The following XIRP2 variants were observed in gnomAD, a reference collection of about 807,000 sequenced individuals.
XIRP2 encodes xin actin binding repeat containing 2.
XIRP2 carries 236 observed loss-of-function variants against 277.0 expected under a neutral mutation model. The ratio of observed to expected loss-of-function variants is 0.85; its 90% CI spans 0.77 to 0.95. XIRP2 has a LOEUF of 0.95. Ranked by LOEUF, XIRP2 falls within the 40% of genes least tolerant of loss-of-function variation. XIRP2 has a pLI of 0.00. For synonymous variants in XIRP2, 1,490 were observed against 1,416.5 expected (o/e 1.05, Z -1.17); for missense variants, 4,640 against 4,157.5 (o/e 1.12, Z -3.19).
Position 167,086,455 on chromosome 2 carries a change from C to A in XIRP2, c.409-49454C>A, listed in dbSNP as rs546397947. On this transcript the variant is annotated intron_variant, in intron 2 of 10. Coordinates refer to ENST00000409195, the MANE Select transcript of XIRP2 (RefSeq NM_152381.6). Reference sequence around the variant, plus strand: ...CTCTTCTCAAGGAGTATCTTTGTGGCGTTCTCTGTATTTCCTGAATCTGAA... The same window carrying A: ...CTCTTCTCAAGGAGTATCTTTGTGGAGTTCTCTGTATTTCCTGAATCTGAA... Among the ~76,000 whole-genome samples the A allele has an allele frequency of 1.3e-4, 20 of 151,888 alleles. No homozygotes were observed. The South Asian group carries it at 3.1e-3, about 24-fold the overall frequency.
chr2:167,255,163 T>A (rs1695623013), intron 10 of XIRP2, among the ~76,000 whole-genome samples: 1 of 151,816 alleles, frequency 6.6e-6, no homozygotes, highest in Non-Finnish European at 1.5e-5. Context: ...ACGTTTCTCT[T>A]CTTTCTAGTG....
intron 2 of XIRP2, among the ~76,000 whole-genome samples, chr2:166,984,854 C>T (rs1043416307): frequency 2.0e-5 from 3 of 152,322 alleles, no homozygotes; most frequent in South Asian, 4.1e-4. Context: ...CCAGGGCACT[C>T]ATGTGTTTAC....
intron 2 of XIRP2, among the ~76,000 whole-genome samples, chr2:167,025,833 T>A (rs1480331677): frequency 6.6e-6 from 1 of 152,122 alleles, no homozygotes; most frequent in Non-Finnish European, 1.5e-5. Context: ...TTTGTTATAA[T>A]TTCTGTTCTT....
chr2:166,938,290 T>C (rs1237724326), intron 2 of XIRP2, among the ~76,000 whole-genome samples: 3 of 152,218 alleles, frequency 2.0e-5, no homozygotes, highest in African/African-American at 7.2e-5. Context: ...TTCTGGTTTG[T>C]TGTGTCTTTG....
At chr2:166,971,258 G>T (rs1022868183) in intron 2 of XIRP2, among the ~76,000 whole-genome samples, 5 of 151,910 alleles carry the variant, frequency 3.3e-5, no homozygotes, top group African/African-American at 1.2e-4. Flanking sequence ...GGATGATTTT[G>T]CTAATTGCTT....
At chr2:166,914,107 A>C (rs1227972751) in intron 2 of XIRP2, among the ~76,000 whole-genome samples, 2 of 152,224 alleles carry the variant, frequency 1.3e-5, no homozygotes, top group East Asian at 3.8e-4. Context: ...AGTCTTTATC[A>C]GAGGAACACA....
At chr2:167,102,895 G>A (rs1690521766) in intron 2 of XIRP2, among the ~76,000 whole-genome samples, 1 of 152,120 alleles carries the variant, frequency 6.6e-6, no homozygotes, top group Non-Finnish European at 1.5e-5. Context: ...CACTTGGGCA[G>A]TTTTATAAAA....
intron 2 of XIRP2, among the ~76,000 whole-genome samples, chr2:167,101,530 C>G (rs1574256334): frequency 6.6e-6 from 1 of 152,152 alleles, no homozygotes; most frequent in African/African-American, 2.4e-5. Flanking sequence ...TCTTTGTATC[C>G]TCATAGCTTA....
intron 3 of XIRP2, among the ~76,000 whole-genome samples, chr2:167,146,724 A>G (rs1297329323): frequency 1.3e-5 from 2 of 152,146 alleles, no homozygotes; most frequent in Non-Finnish European, 2.9e-5. Flanking sequence ...TTAAAGGACC[A>G]GTTAGGTCCT....
chr2:167,053,970 A>T (rs1309071070), intron 2 of XIRP2, among the ~76,000 whole-genome samples: 1 of 152,208 alleles, frequency 6.6e-6, no homozygotes, highest in South Asian at 2.1e-4. Flanking sequence ...GATCTGTATT[A>T]TGGTTCAAGA....
chr2:166,958,377 C>CT (rs1284338616), intron 2 of XIRP2, among the ~76,000 whole-genome samples: 1 of 151,752 alleles, frequency 6.6e-6, no homozygotes, highest in Non-Finnish European at 1.5e-5. Context: ...TGCTTATAGA[C>CT]TTTTAAGTGT....
chr2:167,186,232 G>A (rs1693148109), intron 3 of XIRP2, among the ~76,000 whole-genome samples: 1 of 152,116 alleles, frequency 6.6e-6, no homozygotes, highest in South Asian at 2.1e-4. Context: ...CACTCTTGTG[G>A]AGTATATAGA....
At position 167,164,057 on chromosome 2, in the gene XIRP2, G is replaced by A. The variant is rs75902694; in HGVS notation, c.562+27995G>A. 6.8e-4 allele frequency among the ~76,000 whole-genome samples: 103 copies of A among 152,150 alleles called. 2 individuals carry two copies. In the East Asian group the frequency reaches 0.02, roughly 29 times the overall value. ...TATAGTAAACATTAAAGCCATTTAG[G>A]GTATGTCTTCCAAGTGTGATCTCCT... On this transcript the variant is annotated intron_variant, in intron 3 of 10. Coordinates refer to ENST00000409195, the MANE Select transcript of XIRP2 (RefSeq NM_152381.6).
intron 2 of XIRP2, among the ~76,000 whole-genome samples, chr2:167,132,395 T>TA (rs777733504): frequency 2.0e-5 from 3 of 152,096 alleles, no homozygotes; most frequent in Non-Finnish European, 4.4e-5. Flanking sequence ...AAGGCTCTAA[T>TA]AACAAAGAAT....
intron 3 of XIRP2, among the ~76,000 whole-genome samples, chr2:167,193,085 C>T (rs1194581860): frequency 2.0e-5 from 3 of 152,186 alleles, no homozygotes; most frequent in African/African-American, 4.8e-5. Context: ...ACAGCCTCAA[C>T]TTTTACTCTG....
intron 5 of XIRP2, among the ~76,000 whole-genome samples, chr2:167,233,312 T>A (rs1409590412): frequency 1.3e-5 from 2 of 151,928 alleles, no homozygotes; most frequent in Admixed American, 6.6e-5. Flanking sequence ...GTTAAAGAAT[T>A]TTTACTTTCT....
chr2:167,035,791 C>T (rs1688492673), intron 2 of XIRP2, among the ~76,000 whole-genome samples: 1 of 152,136 alleles, frequency 6.6e-6, no homozygotes, highest in African/African-American at 2.4e-5. Context: ...ATGGTGGCCT[C>T]TCCCATCACA....
intron 2 of XIRP2, among the ~76,000 whole-genome samples, chr2:167,113,024 T>C (rs531619670): frequency 6.6e-6 from 1 of 152,232 alleles, no homozygotes; most frequent in East Asian, 1.9e-4. Flanking sequence ...TTTTTTTTAA[T>C]TTGCTGAGCA....
At chr2:166,986,337 GATGTA>G (rs1360696149) in intron 2 of XIRP2, among the ~76,000 whole-genome samples, 3 of 152,188 alleles carry the variant, frequency 2.0e-5, no homozygotes, top group Non-Finnish European at 2.9e-5. Context: ...CTATGTAACT[GATGTA>G]ATGTAGCCAC....
Sources: allele counts gnomAD v4.1 joint callset (sites outside exome capture counted in the v4.1 genomes callset), GRCh38; gene constraint gnomAD v4.1.1; transcripts MANE v1.5; gene names NCBI Gene and HGNC (gene_info 2026-07-23, HGNC 2026-07-21).